Variants in GPRIN3 observed in about 807,000 individuals in gnomAD.
GPRIN3 encodes the protein GPRIN family member 3, also known as G protein-regulated inducer of neurite outgrowth 3.
In GPRIN3, 12 loss-of-function variants were observed where a neutral mutation model predicts 13.7. The observed-to-expected ratio is 0.87, with a 90% confidence interval of 0.56 to 1.42. GPRIN3 has a LOEUF of 1.42. Ranked by LOEUF, GPRIN3 falls within the 40% of genes most tolerant of loss-of-function variation. GPRIN3 has a pLI of 0.00. For missense variants in GPRIN3, 1,009 were observed against 958.7 expected (o/e 1.05, Z -0.69); for synonymous variants, 377 against 372.7 (o/e 1.01, Z -0.13).
At chr4:89,281,937 T>C (rs1002842132) in intron 1 of GPRIN3, among the ~76,000 whole-genome samples, 2 of 152,012 alleles carry the variant, frequency 1.3e-5, no homozygotes, top group Non-Finnish European at 2.9e-5. Context: ...AAAGTCTTTA[T>C]TATAATGCAT....
chr4:89,238,568 A>G lies in GPRIN3; in HGVS notation c.*9212T>C, dbSNP rs959374610. ...TGTATTTTCACAATGCTCAGCTCTC[A>G]TCATTCTCACCAAACAACACACACA... On this transcript the variant is annotated 3_prime_UTR_variant, in exon 2 of 2. Transcript: ENST00000609438. The G allele has an allele frequency of 1.4e-5, 2 of 139,812 alleles. No homozygotes were observed. The highest frequency in any genetic ancestry group is 5.4e-5 in the African/African-American group (2 of 36,782). The allele number at this position is 139,812 out of a possible 1,614,324, so 8.7% of individuals were successfully genotyped here.
rs748081648 is a variant in GPRIN3 at position 89,241,287 on chromosome 4, A to G, written c.*6493T>C. 9.2e-5 allele frequency: 14 copies of G among 152,142 alleles called. No homozygotes were observed. Among genetic ancestry groups the G allele is most frequent in the Non-Finnish European group, 1.6e-4 (11 of 67,998 alleles). The allele number at this position is 152,142 out of a possible 1,614,324, so 9.4% of individuals were successfully genotyped here. A position where few individuals can be genotyped will look rare whatever the true frequency, so the allele number is the denominator to read the frequency against. ...ATTCTGTTACTGAATACATGTGCACACTTTTGTTGGCTTTATTCATGTATG... is the reference window on the plus strand; with the variant it reads ...ATTCTGTTACTGAATACATGTGCACGCTTTTGTTGGCTTTATTCATGTATG... On this transcript the variant is annotated 3_prime_UTR_variant, in exon 2 of 2. Transcript: ENST00000609438.
At chr4:89,295,511 C>A (rs888103564) in intron 1 of GPRIN3, among the ~76,000 whole-genome samples, 1 of 151,966 alleles carries the variant, frequency 6.6e-6, no homozygotes, top group Admixed American at 6.6e-5. Context: ...TGACTACATG[C>A]GTAAATGAAT....
At chr4:89,303,563 C>T (rs979215042) in intron 1 of GPRIN3, among the ~76,000 whole-genome samples, 6 of 151,890 alleles carry the variant, frequency 4.0e-5, no homozygotes, top group South Asian at 2.1e-4. Flanking sequence ...TAATTAACAA[C>T]TCAAAAAAGG....
In GPRIN3 at chr4:89,236,562, A is replaced by C. The variant is rs1020695057; in HGVS notation, c.*11218T>G. 2.6e-5 allele frequency: 4 copies of C among 152,158 alleles called. No homozygotes were observed. The highest frequency in any genetic ancestry group is 2.0e-4 in the Admixed American group (3 of 15,280). 9.4% of individuals were successfully genotyped at this position (152,158 alleles called of 1,614,324 possible). On this transcript the variant is annotated 3_prime_UTR_variant, in exon 2 of 2. Coordinates refer to ENST00000609438, the MANE Select transcript of GPRIN3 (RefSeq NM_198281.3). ...ATTCCCACAAATTTGCAAAGTGAGC[A>C]TTGTTATTCTCAGTTTCCAGATGAA...
chr4:89,300,763 T>C (rs1724873661), intron 1 of GPRIN3, among the ~76,000 whole-genome samples: 2 of 152,130 alleles, frequency 1.3e-5, no homozygotes, highest in Admixed American at 1.3e-4. Flanking sequence ...CTGACTGTTT[T>C]CAGAACATGT....
Position 89,244,454 on chromosome 4 carries a change from T to G in GPRIN3, c.*3326A>C, listed in dbSNP as rs1312592843. On this transcript the variant is annotated 3_prime_UTR_variant, in exon 2 of 2. Transcript: ENST00000609438. ...ACATACTAACACATTTTATAAATAT[T>G]CAATTTCAGACGTGAACAAAAAGGT... 6.6e-6 allele frequency: 1 copy of G among 152,210 alleles called. No individual in the cohort carries two copies. The highest frequency in any genetic ancestry group is 2.4e-5 in the African/African-American group (1 of 41,458). The allele number at this position is 152,210 out of a possible 1,614,324, so 9.4% of individuals were successfully genotyped here.
intron 1 of GPRIN3, among the ~76,000 whole-genome samples, chr4:89,275,770 T>G (rs920563374): frequency 1.3e-5 from 2 of 152,226 alleles, no homozygotes; most frequent in Non-Finnish European, 2.9e-5. Flanking sequence ...GTTTGCCTCC[T>G]TGTCCACATC....
intron 1 of GPRIN3, among the ~76,000 whole-genome samples, chr4:89,305,426 C>T (rs1048000339): frequency 6.6e-6 from 1 of 152,138 alleles, no homozygotes; most frequent in Non-Finnish European, 1.5e-5. Context: ...TCTTCTATTC[C>T]ACAATCTAGG....
At position 89,290,576 on chromosome 4, in the gene GPRIN3, G is replaced by A. The variant is rs183046972; in HGVS notation, c.-124+17039C>T. 3.0e-3 allele frequency among the ~76,000 whole-genome samples: 452 copies of A among 152,226 alleles called. 20 individuals carry two copies. In the South Asian group the frequency reaches 0.077, roughly 26 times the overall value. ...CCGTTCCTGATACCCTCAGCAGGAA[G>A]TGAGGACTTTCTCTTCTCAACAGCC... is the stretch of plus-strand genomic sequence containing the variant. On this transcript the variant is annotated intron_variant, in intron 1 of 1. Transcript: ENST00000609438.
At chr4:89,270,594 TATATATAA>T (rs1333273554) in intron 1 of GPRIN3, among the ~76,000 whole-genome samples, 40 of 129,398 alleles carry the variant, frequency 3.1e-4, no homozygotes, top group African/African-American at 1.3e-3. Flanking sequence ...TATATATATA[TATATATAA>T]AATATAGATA....
intron 1 of GPRIN3, among the ~76,000 whole-genome samples, chr4:89,260,452 C>T (rs1723593122): frequency 6.6e-6 from 1 of 152,170 alleles, no homozygotes; most frequent in Admixed American, 6.5e-5. Context: ...AGGAAAGAAC[C>T]CGTCACTCTC....
chr4:89,262,818 C>A (rs1381066507), intron 1 of GPRIN3, among the ~76,000 whole-genome samples: 1 of 152,188 alleles, frequency 6.6e-6, no homozygotes, highest in Non-Finnish European at 1.5e-5. Context: ...CCTGCCCACC[C>A]TCCGCCATCC....
At chr4:89,293,776 G>A (rs535216228) in intron 1 of GPRIN3, among the ~76,000 whole-genome samples, 334 of 152,268 alleles carry the variant, frequency 2.2e-3, no homozygotes, top group Non-Finnish European at 4.1e-3. Context: ...ACGTGAAAGC[G>A]ACTGCAAAGC....
rs1226123339 is a variant in GPRIN3, at chr4:89,279,306, A to C, written c.-124+28309T>G. Among the ~76,000 whole-genome samples, 3 of 152,108 alleles carry C rather than the reference A, an allele frequency of 2.0e-5. No homozygotes were observed. In the East Asian group the frequency reaches 5.8e-4, roughly 29 times the overall value. On this transcript the variant is annotated intron_variant, in intron 1 of 1. Transcript: ENST00000609438. ...TCCTTTATTTGGAAGAGATGTCCCA[A>C]CTTTTTCCTGTCTCACCACCCGCGC... is the stretch of plus-strand genomic sequence containing the variant.
chr4:89,272,552 G>C (rs1723986743), intron 1 of GPRIN3, among the ~76,000 whole-genome samples: 1 of 152,100 alleles, frequency 6.6e-6, no homozygotes, highest in Non-Finnish European at 1.5e-5. Flanking sequence ...CTCTGAATTT[G>C]TTTGGTACTT....
rs777441239 is a variant in GPRIN3 at position 89,249,347 on chromosome 4, G to A, written c.764C>T (p.Ser255Leu). ...CACAGAAGTTGTGCCTTGGGGGCCC[G>A]AGGCAGTGACAGAGGGCTGCTTGTT... Reference protein sequence around the residue: ...SENKQPSVTASGPQGTTSVTP... With the variant: ...SENKQPSVTALGPQGTTSVTP... Residue 255 changes from serine (S) to leucine (L), a missense_variant, in exon 2 of 2, where the codon TCG becomes TTG. Physicochemically the swap from Ser to Leu is moderately radical, Grantham distance 145. Transcript: ENST00000609438. The A allele has an allele frequency of 6.8e-6, 11 of 1,613,982 alleles. No homozygotes were observed. The South Asian group carries it at 1.1e-4, about 16-fold the overall frequency.
Position 89,248,149 on chromosome 4 carries a change from A to G in GPRIN3, c.1962T>C (p.Ala654=). The change falls in exon 2 of 2, where the codon GCT becomes GCC. Residue 654 remains alanine (A), a synonymous_variant. Coordinates refer to ENST00000609438, the MANE Select transcript of GPRIN3 (RefSeq NM_198281.3). ...TATCTCCTGGAGTGAGTCCTACCTG[A>G]GCAGCAGCTGCTGTCACATTTAACT... ...EQKLNVTAAA[A]QVGLTPGDKK... is the part of the protein sequence containing the mutation. The G allele has an allele frequency of 6.2e-7, 1 of 1,614,078 alleles. No individual in the cohort carries two copies. The highest frequency in any genetic ancestry group is 1.1e-5 in the South Asian group (1 of 91,082).
chr4:89,275,581 C>T (rs550577836), intron 1 of GPRIN3, among the ~76,000 whole-genome samples: 1 of 152,290 alleles, frequency 6.6e-6, no homozygotes, highest in African/African-American at 2.4e-5. Flanking sequence ...TCTGCTCTGG[C>T]AGTTTGGTGC....
Sources: allele counts gnomAD v4.1 joint callset (sites outside exome capture counted in the v4.1 genomes callset), GRCh38; gene constraint gnomAD v4.1.1; transcripts MANE v1.5; gene names NCBI Gene and HGNC (gene_info 2026-07-23, HGNC 2026-07-21).